SYN3: variants seen among roughly 807,000 people sequenced by gnomAD.
SYN3 encodes the protein synapsin-3.
SYN3 carries 35 observed loss-of-function variants against 65.8 expected under a neutral mutation model. The ratio of observed to expected loss-of-function variants is 0.53; its 90% CI spans 0.41 to 0.70. SYN3 has a LOEUF of 0.70. SYN3 is among the 30% of genes least tolerant of loss of function. The probability of loss-of-function intolerance (pLI) is 0.00; values close to 1 mark genes in which losing one functional copy is unlikely to be tolerated. For missense variants in SYN3, 680 were observed against 749.0 expected (o/e 0.91, Z 1.08); for synonymous variants, 270 against 292.9 (o/e 0.92, Z 0.80).
At chr22:33,051,148 C>A (rs1009946640) in intron 1 of SYN3, among the ~76,000 whole-genome samples, 1 of 152,110 alleles carries the variant, frequency 6.6e-6, no homozygotes, top group Non-Finnish European at 1.5e-5. Context: ...GCTCAAGGAC[C>A]TACATCAGCA....
intron 6 of SYN3, among the ~76,000 whole-genome samples, chr22:32,600,040 G>A (rs1450028173): frequency 6.6e-6 from 1 of 152,106 alleles, no homozygotes; most frequent in Non-Finnish European, 1.5e-5. Context: ...GGGATGAGGG[G>A]ATGGTTTTAG....
At chr22:32,974,865 T>C (rs2052136036) in intron 3 of SYN3, among the ~76,000 whole-genome samples, 1 of 152,166 alleles carries the variant, frequency 6.6e-6, no homozygotes, top group Admixed American at 6.5e-5. Context: ...GGGAATAAAA[T>C]TTATTTCATC....
intron 6 of SYN3, among the ~76,000 whole-genome samples, chr22:32,664,810 T>C (rs2147028852): frequency 6.6e-6 from 1 of 151,352 alleles, no homozygotes; most frequent in South Asian, 2.1e-4. Flanking sequence ...CAGGATGGTC[T>C]CGATCTCCTA....
At chr22:32,627,701 C>T (rs187418564) in intron 6 of SYN3, among the ~76,000 whole-genome samples, 1 of 151,920 alleles carries the variant, frequency 6.6e-6, no homozygotes, top group Admixed American at 6.5e-5. Flanking sequence ...ACTCCAAGAC[C>T]CCCATACTTA....
intron 12 of SYN3, among the ~76,000 whole-genome samples, chr22:32,522,547 C>A (rs2057903464): frequency 2.0e-5 from 3 of 152,102 alleles, no homozygotes; most frequent in Admixed American, 2.0e-4. Context: ...ACACTTATTA[C>A]TATAGAATTC....
chr22:32,924,719 G>C (rs1384314230), intron 4 of SYN3, among the ~76,000 whole-genome samples: 1 of 152,222 alleles, frequency 6.6e-6, no homozygotes, highest in Non-Finnish European at 1.5e-5. Flanking sequence ...GGCTGCTGTA[G>C]CAAGGGACCA....
At chr22:32,607,302 C>A (rs1399717812) in intron 6 of SYN3, among the ~76,000 whole-genome samples, 1 of 152,180 alleles carries the variant, frequency 6.6e-6, no homozygotes, top group Non-Finnish European at 1.5e-5. Flanking sequence ...ATCCCGGCCG[C>A]CAGGTGCTGC....
intron 6 of SYN3, among the ~76,000 whole-genome samples, chr22:32,660,198 C>T (rs2060197166): frequency 6.6e-6 from 1 of 152,192 alleles, no homozygotes; most frequent in African/African-American, 2.4e-5. Context: ...TCTAAACTAG[C>T]TTTTCCTCCA....
chr22:32,699,751 C>A (rs541268903), intron 6 of SYN3, among the ~76,000 whole-genome samples: 25 of 152,170 alleles, frequency 1.6e-4, no homozygotes, highest in Non-Finnish European at 2.9e-4. Flanking sequence ...AGGGCCTCTC[C>A]TCTAGAGAGA....
intron 7 of SYN3, among the ~76,000 whole-genome samples, chr22:32,592,483 T>C (rs916999599): frequency 6.6e-6 from 1 of 152,180 alleles, no homozygotes; most frequent in Admixed American, 6.5e-5. Flanking sequence ...GTCCACTATT[T>C]TTTTGTTTTA....
intron 6 of SYN3, among the ~76,000 whole-genome samples, chr22:32,845,604 C>CACCAA (rs1484069956): frequency 1.3e-5 from 2 of 152,172 alleles, no homozygotes; most frequent in Admixed American, 1.3e-4. Context: ...ATGTTCCAGA[C>CACCAA]ACCAACCTAG....
At chr22:32,791,968 A>G (rs1407884287) in intron 6 of SYN3, among the ~76,000 whole-genome samples, 2 of 152,130 alleles carry the variant, frequency 1.3e-5, no homozygotes, top group Non-Finnish European at 2.9e-5. Flanking sequence ...CTCTTTCTTT[A>G]TAAACACAGG....
intron 6 of SYN3, among the ~76,000 whole-genome samples, chr22:32,804,946 G>C (rs2046686238): frequency 6.6e-6 from 1 of 152,158 alleles, no homozygotes; most frequent in Non-Finnish European, 1.5e-5. Context: ...CCTCGGCCCG[G>C]GCAAATCTGC....
chr22:32,974,678 G>A (rs927597824), intron 3 of SYN3, among the ~76,000 whole-genome samples: 1 of 152,146 alleles, frequency 6.6e-6, no homozygotes, highest in Admixed American at 6.5e-5. Flanking sequence ...AAGAGGGAGT[G>A]TATGAACTAT....
chr22:32,779,991 G>A (rs2045994681), intron 6 of SYN3, among the ~76,000 whole-genome samples: 1 of 137,434 alleles, frequency 7.3e-6, no homozygotes, highest in Admixed American at 8.3e-5. Flanking sequence ...ACAGAGAAAT[G>A]GCCTGCCCTA....
At chr22:33,050,349 G>T (rs368604516) in intron 1 of SYN3, among the ~76,000 whole-genome samples, 3 of 152,084 alleles carry the variant, frequency 2.0e-5, no homozygotes, top group East Asian at 3.9e-4. Flanking sequence ...CGGGCGTGGT[G>T]GTGCACGTCA....
intron 3 of SYN3, among the ~76,000 whole-genome samples, chr22:32,959,531 A>G (rs1298504579): frequency 6.6e-6 from 1 of 151,816 alleles, no homozygotes; most frequent in Non-Finnish European, 1.5e-5. Flanking sequence ...AGCCTGGGTG[A>G]CAGAGTGAGA....
chr22:32,710,645 A>AAAAAAAAAAAAAAAAAAAAAAAAAAG (rs1555931894), intron 6 of SYN3, among the ~76,000 whole-genome samples: 69 of 126,912 alleles, frequency 5.4e-4, no homozygotes, highest in African/African-American at 1.0e-3. Flanking sequence ...AAAAAAAAAA[A>AAAAAAAAAAAAAAAAAAAAAAAAAAG]AAAGAAAGAA....
intron 3 of SYN3, among the ~76,000 whole-genome samples, chr22:32,949,710 T>C (rs1017120068): frequency 1.3e-5 from 2 of 152,220 alleles, no homozygotes; most frequent in Admixed American, 6.5e-5. Flanking sequence ...TAGTTACTAA[T>C]AATTGCATTT....
Sources: allele counts gnomAD v4.1 joint callset (sites outside exome capture counted in the v4.1 genomes callset), GRCh38; gene constraint gnomAD v4.1.1; transcripts MANE v1.5; gene names NCBI Gene and HGNC (gene_info 2026-07-23, HGNC 2026-07-21).